Variants in KCNMA1 observed in about 807,000 individuals in gnomAD.
KCNMA1 encodes the protein Calcium-activated potassium channel subunit alpha-1.
Under a neutral mutation model 140.0 loss-of-function variants are expected in KCNMA1, and 29 were observed. The observed-to-expected ratio is 0.21, with a 90% CI of 0.15 to 0.28. The LOEUF (loss-of-function observed/expected upper bound fraction) is 0.28, where lower values mean the gene tolerates loss of function less well. Ranked by LOEUF, KCNMA1 falls within the 10% of genes least tolerant of loss-of-function variation. The pLI is 1.00. For missense variants in KCNMA1, 880 were observed against 1,602.2 expected, an observed-to-expected ratio of 0.55 and a Z score of 7.70; for synonymous variants, 612 against 611.9, an observed-to-expected ratio of 1.00 and a Z score of 0.00.
intron 1 of KCNMA1, among the ~76,000 whole-genome samples, chr10:77,534,066 C>T (rs1193313386): frequency 3.9e-5 from 6 of 152,172 alleles, no homozygotes; most frequent in African/African-American, 7.2e-5. Flanking sequence ...TAACTCCAGG[C>T]CAGGCTTCCC....
At chr10:77,516,818 T>G (rs997361139) in intron 1 of KCNMA1, among the ~76,000 whole-genome samples, 2 of 151,692 alleles carry the variant, frequency 1.3e-5, no homozygotes, top group African/African-American at 4.8e-5. Flanking sequence ...GCGGCTGGTG[T>G]GGGGTGGGCA....
rs183012774 is a variant in KCNMA1 at position 77,287,762 on chromosome 10, C to T, written c.541-36506G>A. Among the ~76,000 whole-genome samples the T allele has an allele frequency of 6.1e-4, 93 of 152,300 alleles. 1 individual carries two copies. The highest frequency in any genetic ancestry group is 1.1e-3 in the Non-Finnish European group (73 of 68,024). The stretch of plus-strand genomic sequence containing the variant: ...CACACCAAGTGCTCTTCTCTGCATC[C>T]AGCACCTCACACACATTAACTCAAA... On this transcript the variant is annotated intron_variant, in intron 2 of 27. Coordinates refer to ENST00000286628, the MANE Select transcript of KCNMA1 (RefSeq NM_001161352.2).
chr10:76,898,102 GTTATA>G (rs1308540609), intron 25 of KCNMA1, among the ~76,000 whole-genome samples: 3 of 151,684 alleles, frequency 2.0e-5, no homozygotes, highest in African/African-American at 4.8e-5. Flanking sequence ...AGCATCTTAT[GTTATA>G]TAACTAAACA....
intron 18 of KCNMA1, among the ~76,000 whole-genome samples, chr10:77,011,270 G>A (rs1056658045): frequency 4.6e-5 from 7 of 152,080 alleles, no homozygotes; most frequent in African/African-American, 7.2e-5. Flanking sequence ...ACAATTCCAC[G>A]TTCTGGACTC....
chr10:77,611,943 G>A (rs2087073291), intron 1 of KCNMA1, among the ~76,000 whole-genome samples: 2 of 152,108 alleles, frequency 1.3e-5, no homozygotes, highest in South Asian at 4.1e-4. Flanking sequence ...GCAAGATCAA[G>A]GTCCACAAAA....
At chr10:77,636,248 G>A (rs1470896719) in intron 1 of KCNMA1, 2 of 1,436,860 alleles carry the variant, frequency 1.4e-6, no homozygotes, top group Non-Finnish European at 1.8e-6. Flanking sequence ...TCAGTGTCGG[G>A]TCCCCCACTC....
chr10:77,568,433 T>C (rs1202071369), intron 1 of KCNMA1, among the ~76,000 whole-genome samples: 2 of 152,152 alleles, frequency 1.3e-5, no homozygotes, highest in Non-Finnish European at 2.9e-5. Context: ...GTTCCACATA[T>C]GCAAATCAAT....
chr10:76,964,424 C>CA (rs1417470036), intron 20 of KCNMA1, among the ~76,000 whole-genome samples: 3 of 152,108 alleles, frequency 2.0e-5, no homozygotes, highest in Non-Finnish European at 4.4e-5. Flanking sequence ...ATGCTCTTGA[C>CA]ACAAGAGGGC....
chr10:77,582,945 T>A (rs1047393802), intron 1 of KCNMA1, among the ~76,000 whole-genome samples: 3 of 152,210 alleles, frequency 2.0e-5, no homozygotes, highest in African/African-American at 7.2e-5. Context: ...ACCAGCCCCA[T>A]CCGCCAATAG....
intron 1 of KCNMA1, among the ~76,000 whole-genome samples, chr10:77,569,485 A>C: frequency 6.7e-6 from 1 of 148,250 alleles, no homozygotes; most frequent in Non-Finnish European, 1.5e-5. Flanking sequence ...AGCAATGGGG[A>C]AACGATTCCC....
At chr10:77,265,992 A>C (rs2063323996) in intron 2 of KCNMA1, among the ~76,000 whole-genome samples, 1 of 151,766 alleles carries the variant, frequency 6.6e-6, no homozygotes, top group African/African-American at 2.4e-5. Flanking sequence ...GAGGCAAGAG[A>C]ATCCCTTGAG....
intron 1 of KCNMA1, among the ~76,000 whole-genome samples, chr10:77,593,351 G>T (rs551753955): frequency 1.3e-5 from 2 of 152,296 alleles, no homozygotes; most frequent in East Asian, 3.9e-4. Flanking sequence ...CGATACATTT[G>T]GATTAGTTAA....
intron 2 of KCNMA1, among the ~76,000 whole-genome samples, chr10:77,290,958 A>T (rs1412356476): frequency 1.3e-5 from 2 of 152,202 alleles, no homozygotes; most frequent in African/African-American, 4.8e-5. Context: ...GAGATTTGAT[A>T]TTCAGGAAGT....
At chr10:77,326,220 C>T (rs1444651378) in intron 2 of KCNMA1, among the ~76,000 whole-genome samples, 1 of 152,198 alleles carries the variant, frequency 6.6e-6, no homozygotes, top group Non-Finnish European at 1.5e-5. Context: ...TTCCTCATCT[C>T]ATCTGTTTTC....
At chr10:77,134,134 ATAGG>A (rs1225102648) in intron 5 of KCNMA1, among the ~76,000 whole-genome samples, 13 of 152,188 alleles carry the variant, frequency 8.5e-5, no homozygotes, top group Admixed American at 6.5e-5. Flanking sequence ...TGAGGAAAAT[ATAGG>A]TATATATTAT....
intron 1 of KCNMA1, among the ~76,000 whole-genome samples, chr10:77,560,184 A>G (rs148443633): frequency 0.019 from 2,863 of 152,302 alleles, 78 homozygotes; most frequent in Non-Finnish European, 0.022. Flanking sequence ...CTCTGTCAAC[A>G]AAAACAAAAC....
intron 2 of KCNMA1, among the ~76,000 whole-genome samples, chr10:77,347,237 G>A (rs925927901): frequency 2.0e-5 from 3 of 152,206 alleles, no homozygotes; most frequent in Admixed American, 6.5e-5. Context: ...ACCAGGCCTT[G>A]TGCATGAACC....
chr10:77,625,496 A>T (rs2092366818), intron 1 of KCNMA1, among the ~76,000 whole-genome samples: 1 of 152,152 alleles, frequency 6.6e-6, no homozygotes, highest in African/African-American at 2.4e-5. Context: ...TACAAAACTG[A>T]AACCCTATAC....
At chr10:77,054,951 A>T (rs1405100175) in intron 14 of KCNMA1, among the ~76,000 whole-genome samples, 1 of 148,632 alleles carries the variant, frequency 6.7e-6, no homozygotes, top group Non-Finnish European at 1.5e-5. Context: ...GGCTCTGATT[A>T]AAAAAAAAAT....
Sources: allele counts gnomAD v4.1 joint callset (sites outside exome capture counted in the v4.1 genomes callset), GRCh38; gene constraint gnomAD v4.1.1; transcripts MANE v1.5; gene names NCBI Gene and HGNC (gene_info 2026-07-23, HGNC 2026-07-21).